Variants in BCAP31 observed in about 807,000 individuals in gnomAD.
BCAP31 encodes B-cell receptor-associated protein 31.
For synonymous variants in BCAP31, 75 were observed against 80.9 expected (o/e 0.93, Z 0.39); for missense variants, 124 against 193.0 (o/e 0.64, Z 2.12).
intron 3 of BCAP31, among the ~76,000 whole-genome samples, chrX:153,718,016 T>C (rs782603628): frequency 1.8e-5 from 2 of 111,328 alleles, no homozygotes. Flanking sequence ...AAGAATGAGA[T>C]TGCTATAAAA....
intron 2 of BCAP31, among the ~76,000 whole-genome samples, chrX:153,722,508 T>C (rs1557051273): frequency 4.5e-5 from 5 of 112,175 alleles, no homozygotes; most frequent in Non-Finnish European, 5.6e-5. Flanking sequence ...CAGACAGCAC[T>C]GCATACTTTC....
chrX:153,703,819 C>A lies in BCAP31; in HGVS notation c.477+140G>T. 4 of 913,597 alleles carry A rather than the reference C, an allele frequency of 4.4e-6. No homozygotes were observed. In the South Asian group the frequency reaches 9.6e-5, roughly 22 times the overall value. The allele number at this position is 913,597 out of a possible 1,213,427, so 75.3% of individuals were successfully genotyped here. A position where few individuals can be genotyped will look rare whatever the true frequency, so the allele number is the denominator to read the frequency against. On this transcript the variant is annotated intron_variant, in intron 5 of 7. Coordinates refer to ENST00000345046, the MANE Select transcript of BCAP31 (RefSeq NM_001256447.2). The stretch of plus-strand genomic sequence containing the variant: ...ACTCTCCCCACTGAGGACTTCCCCT[C>A]TGCGCCTCCACCCAACTCTGGCTTT...
At chrX:153,719,701 A>G (rs1557050652) in intron 3 of BCAP31, among the ~76,000 whole-genome samples, 1 of 111,671 alleles carries the variant, frequency 9.0e-6, no homozygotes, top group East Asian at 2.8e-4. Context: ...AGTGGTGTCC[A>G]CAGCAGAGCC....
intron 1 of BCAP31, 142 bp from the exon 2 acceptor site, chrX:153,723,430 AGCAGGGCTCCACTCG>A (rs2091682451): frequency 1.8e-6 from 2 of 1,132,638 alleles, no homozygotes; most frequent in South Asian, 4.1e-5. Flanking sequence ...CGCTGGCGGA[AGCAGGGCTCCACTCG>A]GCAGGGCCTC....
intron 2 of BCAP31, 113 bp downstream of exon 2, chrX:153,723,040 T>C (rs1557051408): frequency 1.0e-6 from 1 of 976,139 alleles, no homozygotes; most frequent in Non-Finnish European, 1.4e-6. Flanking sequence ...AGACAGGTTC[T>C]ACCTGTTCCA....
At position 153,718,714 on chromosome X, in the gene BCAP31, C is replaced by A. The variant is rs184865175; in HGVS notation, c.193+2158G>T. Among the ~76,000 whole-genome samples the A allele has an allele frequency of 4.4e-3, 497 of 112,066 alleles. 3 individuals are homozygous for A. Among genetic ancestry groups the A allele is most frequent in the African/African-American group, 0.016 (481 of 30,832 alleles). On this transcript the variant is annotated intron_variant, in intron 3 of 7. Transcript: ENST00000345046. ...AGATAAACATGTTTCCTTACACTGT[C>A]ACCTGCATCCAGGAACCCCACCATC...
intron 4 of BCAP31, among the ~76,000 whole-genome samples, chrX:153,708,641 G>A (rs1384184795): frequency 3.5e-5 from 4 of 112,840 alleles, no homozygotes; most frequent in African/African-American, 1.3e-4. Context: ...ATGAGGCAGC[G>A]CCCAGGCAAG....
intron 4 of BCAP31, among the ~76,000 whole-genome samples, chrX:153,708,150 A>G (rs1484817887): frequency 2.7e-5 from 3 of 112,735 alleles, no homozygotes; most frequent in Non-Finnish European, 5.6e-5. Flanking sequence ...CAATGCCTCA[A>G]TCTGACTGGG....
rs782531205 is a variant in BCAP31 at position 153,715,703 on chromosome X, G to A, written c.194-14C>T. 1.5e-5 allele frequency: 18 copies of A among 1,210,033 alleles called. No individual in the cohort carries two copies. Among genetic ancestry groups the A allele is most frequent in the Admixed American group, 2.2e-5 (1 of 45,999 alleles). On this transcript the variant is annotated splice_polypyrimidine_tract_variant and intron_variant, in intron 3 of 7. Transcript: ENST00000345046. ...CGCGCACGGCATCTGTGGTGGAGCA[G>A]AGAGGAGACACGGGCATTTAGCGGA...
At chrX:153,706,329 T>TC (rs781980771) in intron 4 of BCAP31, among the ~76,000 whole-genome samples, 3 of 111,787 alleles carry the variant, frequency 2.7e-5, no homozygotes, top group Non-Finnish European at 5.7e-5. Flanking sequence ...TTCAACTGCC[T>TC]CCTTCCTGGA....
intron 2 of BCAP31, among the ~76,000 whole-genome samples, chrX:153,721,557 G>A (rs1232636890): frequency 2.1e-5 from 2 of 97,224 alleles, no homozygotes; most frequent in African/African-American, 3.8e-5. Context: ...GTGCAGAGGT[G>A]TAAGCCACCG....
intron 3 of BCAP31, among the ~76,000 whole-genome samples, chrX:153,717,403 T>C (rs942188483): frequency 2.0e-4 from 23 of 112,353 alleles, no homozygotes; most frequent in African/African-American, 6.8e-4. Context: ...GACTCCCATA[T>C]GAGAGGAGCA....
At chrX:153,706,478 T>C (rs1409103754) in intron 4 of BCAP31, among the ~76,000 whole-genome samples, 3 of 112,551 alleles carry the variant, frequency 2.7e-5, no homozygotes, top group African/African-American at 9.7e-5. Flanking sequence ...CCTGAACTCC[T>C]TGCTCTGCTG....
chrX:153,703,306 GCCCTGGCCCCTGGC>G lies in BCAP31; in HGVS notation c.478-262_478-249del, dbSNP rs781868961. ...GCAGCTCGCCGGGCACGCCTTGCCT[GCCCTGGCCCCTGGC>G]CCCTGGCCCCTGGCCCTGCCTCCTT... On this transcript the variant is annotated intron_variant, in intron 5 of 7. Transcript: ENST00000345046. 0.021 allele frequency among the ~76,000 whole-genome samples: 2,431 copies of G among 113,238 alleles called. 53 individuals are homozygous for G. Among genetic ancestry groups the G allele is most frequent in the African/African-American group, 0.064 (1,997 of 31,215 alleles).
chrX:153,711,917 A>G (rs782614787), intron 4 of BCAP31, among the ~76,000 whole-genome samples: 6 of 109,421 alleles, frequency 5.5e-5, no homozygotes, highest in African/African-American at 9.9e-5. Context: ...AAAAAAAAAA[A>G]AAAGAAAGAA....
At chrX:153,715,754 A>G in intron 3 of BCAP31, 65 bp from the exon 4 acceptor site, 2 of 1,152,923 alleles carry the variant, frequency 1.7e-6, no homozygotes, top group South Asian at 3.7e-5. Flanking sequence ...AGGCCATACC[A>G]GGCAGACAGG....
chrX:153,711,010 C>T (rs2091587787), intron 4 of BCAP31, among the ~76,000 whole-genome samples: 1 of 111,830 alleles, frequency 8.9e-6, no homozygotes, highest in Non-Finnish European at 1.9e-5. Context: ...TCCTGCTCAT[C>T]TGCCAGGCCT....
intron 4 of BCAP31, 39 bp from the exon 5 acceptor site, chrX:153,704,133 A>G (rs781792281): frequency 1.7e-6 from 2 of 1,183,479 alleles, no homozygotes; most frequent in Non-Finnish European, 2.3e-6. Context: ...AGTGAGAAAA[A>G]GAGCATGAAG....
At chrX:153,720,737 G>C in intron 3 of BCAP31, 135 bp downstream of exon 3, 3 of 544,212 alleles carry the variant, frequency 5.5e-6, no homozygotes, top group Non-Finnish European at 8.9e-6. Flanking sequence ...CCTCCCTCAA[G>C]AGAAAGACAC....
Sources: allele counts gnomAD v4.1 joint callset (sites outside exome capture counted in the v4.1 genomes callset), GRCh38; gene constraint gnomAD v4.1.1; transcripts MANE v1.5; gene names NCBI Gene and HGNC (gene_info 2026-07-23, HGNC 2026-07-21).